Variants in GJB7 observed in about 807,000 individuals in gnomAD.
The protein encoded by GJB7 is gap junction beta-7 protein.
For synonymous variants in GJB7, 87 were observed against 95.2 expected (o/e 0.91, Z 0.50); for missense variants, 253 against 256.8 (o/e 0.99, Z 0.10).
chr6:87,305,839 A>C (rs1278017106), intron 2 of GJB7, among the ~76,000 whole-genome samples: 1 of 152,346 alleles, frequency 6.6e-6, no homozygotes, highest in African/African-American at 2.4e-5. Context: ...ATATAGACCA[A>C]TGGAAAAGAA....
intron 2 of GJB7, among the ~76,000 whole-genome samples, chr6:87,320,940 C>T (rs1776648317): frequency 6.6e-6 from 1 of 152,098 alleles, no homozygotes. Context: ...AGTAAGGGGC[C>T]AGGCACAGTG....
intron 2 of GJB7, among the ~76,000 whole-genome samples, chr6:87,285,557 A>G (rs757090403): frequency 6.6e-6 from 1 of 152,124 alleles, no homozygotes; most frequent in Non-Finnish European, 1.5e-5. Flanking sequence ...TTCATACCAA[A>G]TTTACCTTCT....
chr6:87,286,021 CT>C, intron 2 of GJB7, among the ~76,000 whole-genome samples: 1 of 152,322 alleles, frequency 6.6e-6, no homozygotes, highest in South Asian at 2.1e-4. Context: ...TCTACCCTCT[CT>C]TCTTGTTTCA....
chr6:87,300,286 T>C, intron 2 of GJB7: 1 of 179,978 alleles, frequency 5.6e-6, no homozygotes, highest in South Asian at 1.6e-4. Flanking sequence ...ATGAATATGG[T>C]GGAAAAAGGA....
intron 2 of GJB7, among the ~76,000 whole-genome samples, chr6:87,311,395 G>A (rs1038529939): frequency 2.6e-5 from 4 of 152,170 alleles, no homozygotes; most frequent in South Asian, 2.1e-4. Flanking sequence ...ACATTAGAAT[G>A]GGTAGATACA....
At chr6:87,301,595 C>T (rs546438418) in intron 2 of GJB7, among the ~76,000 whole-genome samples, 3 of 152,220 alleles carry the variant, frequency 2.0e-5, no homozygotes, top group Non-Finnish European at 2.9e-5. Context: ...TAGACTCCCC[C>T]TCTGGAGGGG....
intron 2 of GJB7, among the ~76,000 whole-genome samples, chr6:87,308,268 C>G (rs1230621157): frequency 6.6e-6 from 1 of 151,984 alleles, no homozygotes; most frequent in Non-Finnish European, 1.5e-5. Flanking sequence ...GGAGATATAC[C>G]TAATGTAAAT....
At chr6:87,300,937 TGTTA>T (rs1264986848) in intron 2 of GJB7, among the ~76,000 whole-genome samples, 2 of 152,214 alleles carry the variant, frequency 1.3e-5, no homozygotes, top group Non-Finnish European at 2.9e-5. Flanking sequence ...CAGATACTGA[TGTTA>T]GTTAATACGG....
intron 2 of GJB7, among the ~76,000 whole-genome samples, chr6:87,315,253 C>A (rs1329720859): frequency 3.3e-5 from 5 of 152,158 alleles, no homozygotes; most frequent in African/African-American, 9.7e-5. Flanking sequence ...GGGAACTGCA[C>A]CTCCACAATT....
intron 2 of GJB7, among the ~76,000 whole-genome samples, chr6:87,285,615 C>G (rs931248363): frequency 6.6e-6 from 1 of 152,198 alleles, no homozygotes; most frequent in Non-Finnish European, 1.5e-5. Context: ...CCAAAATAAT[C>G]ATTCACGCTC....
At chr6:87,322,234 C>A (rs1029151568) in intron 2 of GJB7, 1 of 152,180 alleles carries the variant, frequency 6.6e-6, no homozygotes, top group African/African-American at 2.4e-5. Context: ...AGGAAGAAAT[C>A]AGATCTAGCT....
Position 87,289,730 on chromosome 6 carries a change from C to T in GJB7, c.-27-4791G>A, listed in dbSNP as rs1776133833. ...TGTTGAGCAGCCCACTTGTTCTTCT[C>T]TTATTGCAGGATGAGCTTTGCCACA... On this transcript the variant is annotated intron_variant, in intron 2 of 2. Transcript: ENST00000525899. Among the ~76,000 whole-genome samples the T allele has an allele frequency of 3.9e-5, 6 of 152,210 alleles. No homozygotes were observed. The South Asian group carries it at 1.2e-3, about 31-fold the overall frequency.
chr6:87,309,187 T>C (rs1225139814), intron 2 of GJB7, among the ~76,000 whole-genome samples: 3 of 152,206 alleles, frequency 2.0e-5, no homozygotes, highest in Admixed American at 6.5e-5. Flanking sequence ...CAGCTGGGCC[T>C]GCAATTGCTC....
chr6:87,298,450 C>T (rs10498960), intron 2 of GJB7, among the ~76,000 whole-genome samples: 12,534 of 152,118 alleles, frequency 0.082, 874 homozygotes, highest in African/African-American at 0.19. Flanking sequence ...TGTTTGCCAA[C>T]GTAAAGAAGT....
In GJB7 at chr6:87,283,248, G is replaced by GAA. The variant is rs1289834580; in HGVS notation, c.*991_*992dup. 1 of 152,172 alleles carries GAA rather than the reference G, an allele frequency of 6.6e-6. No individual in the cohort carries two copies. The highest frequency in any genetic ancestry group is 1.9e-4 in the East Asian group (1 of 5,206). 9.4% of individuals were successfully genotyped at this position (152,172 alleles called of 1,614,324 possible). ...TAGTACATAGTGAATTCCTGATTAT[G>GAA]AAAGGTTCAACAATATGAATATTTA... On this transcript the variant is annotated 3_prime_UTR_variant, in exon 3 of 3. Transcript: ENST00000525899.
intron 2 of GJB7, among the ~76,000 whole-genome samples, chr6:87,308,963 C>A (rs1478767542): frequency 1.3e-5 from 2 of 152,192 alleles, no homozygotes; most frequent in African/African-American, 4.8e-5. Flanking sequence ...TCTCCATCTC[C>A]TTTTCCTGAC....
intron 2 of GJB7, 180 bp downstream of exon 2, chr6:87,322,686 A>G (rs2127912864): frequency 6.6e-6 from 1 of 152,300 alleles, no homozygotes; most frequent in South Asian, 2.1e-4. Context: ...TGGAGGGGCC[A>G]GGGCGGCCGC....
Position 87,284,601 on chromosome 6 carries a change from C to G in GJB7, c.312G>C (p.Arg104Ser). 12 of 1,614,124 alleles carry G rather than the reference C, an allele frequency of 7.4e-6. No individual in the cohort carries two copies. The highest frequency in any genetic ancestry group is 9.3e-6 in the Non-Finnish European group (11 of 1,180,014). Reference protein sequence around the residue: ...HVAYHEGREKRHRKKLYVSPG... With the variant: ...HVAYHEGREKSHRKKLYVSPG... ...GGCTGACATAGAGTTTCTTTCTGTG[C>G]CTTTTCTCTCTACCCTCATGATAGG... Residue 104 changes from arginine (R) to serine (S), a missense_variant, in exon 3 of 3, where the codon AGG (arginine) becomes AGC (serine). Transcript: ENST00000525899.
At chr6:87,287,263 A>G (rs1198526587) in intron 2 of GJB7, among the ~76,000 whole-genome samples, 2 of 152,198 alleles carry the variant, frequency 1.3e-5, no homozygotes, top group African/African-American at 4.8e-5. Context: ...CCTATAGTAC[A>G]ATAATTAATA....
Sources: gnomAD v4.1 joint callset for allele counts (sites outside exome capture counted in the v4.1 genomes callset) on GRCh38, gnomAD v4.1.1 for gene constraint, MANE v1.5 for transcripts, NCBI Gene and HGNC (gene_info 2026-07-23, HGNC 2026-07-21) for gene names.